SLC45A2: variants seen among roughly 807,000 people sequenced by gnomAD.
SLC45A2 encodes the protein solute carrier family 45 member 2.
In SLC45A2, 36 loss-of-function variants were observed where a neutral mutation model predicts 45.5. The ratio of observed to expected loss-of-function variants is 0.79; its 90% CI spans 0.61 to 1.04. The LOEUF is 1.04. Ranked by LOEUF, SLC45A2 falls within the 50% of genes least tolerant of loss-of-function variation. SLC45A2 has a pLI of 0.00. For missense variants in SLC45A2, 719 were observed against 671.0 expected (o/e 1.07, Z -0.79); for synonymous variants, 306 against 269.3 (o/e 1.14, Z -1.33).
intron 2 of SLC45A2, among the ~76,000 whole-genome samples, chr5:33,979,819 A>C (rs917154324): frequency 6.6e-6 from 1 of 152,186 alleles, no homozygotes; most frequent in East Asian, 1.9e-4. Flanking sequence ...CTTTAGGATG[A>C]CCTTGGCCGA....
chr5:33,964,150 T>A, intron 2 of SLC45A2, 134 bp from the exon 3 acceptor site: 1 of 892,284 alleles, frequency 1.1e-6, no homozygotes, highest in Non-Finnish European at 1.8e-6. Context: ...GGAAAAGCAA[T>A]ACAGCAAGAG....
At position 33,982,338 on chromosome 5, in the gene SLC45A2, A is replaced by G. The variant is rs1038905966; in HGVS notation, c.460T>C (p.Phe154Leu). 7 of 1,614,156 alleles carry G rather than the reference A, an allele frequency of 4.3e-6. No individual in the cohort carries two copies. Among genetic ancestry groups the G allele is most frequent in the Non-Finnish European group, 5.9e-6 (7 of 1,180,040 alleles). ...GGCCCATCAATGAAGTCGGCAGCAA[A>G]ATCAAAGAGAACGACACCTATCATG... Reference protein sequence around the residue: ...VTMIGVVLFDFAADFIDGPIK... With the variant: ...VTMIGVVLFDLAADFIDGPIK... The change falls in exon 2 of 7, where the codon TTT becomes CTT. Residue 154 changes from phenylalanine to leucine, a missense_variant. By Grantham distance (22) the Phe-to-Leu change is conservative (BLOSUM62 0). Coordinates refer to ENST00000296589, the MANE Select transcript of SLC45A2 (RefSeq NM_016180.5).
chr5:33,952,940 G>A (rs1345837758), intron 4 of SLC45A2, among the ~76,000 whole-genome samples: 32 of 100,290 alleles, frequency 3.2e-4, no homozygotes, highest in South Asian at 1.1e-3. Context: ...GAGAATATGC[G>A]GTGTTTGGTT....
At chr5:33,958,166 G>C (rs1352947249) in intron 3 of SLC45A2, among the ~76,000 whole-genome samples, 1 of 152,156 alleles carries the variant, frequency 6.6e-6, no homozygotes, top group African/African-American at 2.4e-5. Context: ...CCCTCAAAAG[G>C]AGACTATTTA....
intron 1 of SLC45A2, among the ~76,000 whole-genome samples, chr5:33,982,984 C>T (rs975532519): frequency 6.6e-6 from 1 of 152,208 alleles, no homozygotes; most frequent in East Asian, 1.9e-4. Context: ...TTCTCAAAGT[C>T]TGGCATATTG....
At chr5:33,952,376 T>G (rs542126771) in intron 4 of SLC45A2, among the ~76,000 whole-genome samples, 32 of 150,778 alleles carry the variant, frequency 2.1e-4, no homozygotes, top group Non-Finnish European at 4.1e-4. Flanking sequence ...TTTTTTTTTG[T>G]AGTTTCAGCA....
In SLC45A2 at chr5:33,951,624, G is replaced by C; in HGVS notation, c.1086C>G (p.Ile362Met). The stretch of plus-strand genomic sequence containing the variant: ...ATCCAACCTCGACTCCTCTTTCGTA[G>C]ATGAGAAACTCTGTGGAGTTGTGTG... ...YSAHNSTEFL[I>M]YERGVEVGCW... Residue 362 changes from isoleucine to methionine, a missense_variant, in exon 5 of 7, where the codon ATC (isoleucine) becomes ATG (methionine). By Grantham distance (10) the Ile-to-Met change is conservative. Coordinates refer to ENST00000296589, the MANE Select transcript of SLC45A2 (RefSeq NM_016180.5). 1 of 1,614,196 alleles carries C rather than the reference G, an allele frequency of 6.2e-7. No individual in the cohort carries two copies. The highest frequency in any genetic ancestry group is 8.5e-7 in the Non-Finnish European group (1 of 1,180,016).
At chr5:33,963,439 G>A (rs2111960209) in intron 3 of SLC45A2, among the ~76,000 whole-genome samples, 1 of 132,436 alleles carries the variant, frequency 7.6e-6, no homozygotes, top group Non-Finnish European at 1.6e-5. Context: ...TTCTCAACTG[G>A]CTTCATCTTC....
intron 2 of SLC45A2, 78 bp from the exon 3 acceptor site, chr5:33,964,094 A>G (rs1179528233): frequency 6.8e-7 from 1 of 1,475,642 alleles, no homozygotes; most frequent in African/African-American, 1.4e-5. Flanking sequence ...ACTCCCCTTC[A>G]GTGGGAAAAC....
At chr5:33,955,555 T>A (rs547239555) in intron 3 of SLC45A2, among the ~76,000 whole-genome samples, 2 of 152,166 alleles carry the variant, frequency 1.3e-5, no homozygotes, top group Non-Finnish European at 2.9e-5. Context: ...GTTATATCTC[T>A]GAATCCTAAT....
intron 3 of SLC45A2, among the ~76,000 whole-genome samples, chr5:33,961,594 T>C (rs1337254024): frequency 1.3e-5 from 2 of 152,144 alleles, no homozygotes; most frequent in East Asian, 3.9e-4. Context: ...ATAACGCTTT[T>C]CTCCATTTAT....
At chr5:33,967,675 T>C (rs554145668) in intron 2 of SLC45A2, among the ~76,000 whole-genome samples, 2 of 152,276 alleles carry the variant, frequency 1.3e-5, no homozygotes, top group Admixed American at 1.3e-4. Context: ...TGTTGCCTGG[T>C]AGGGAAATTA....
intron 2 of SLC45A2, among the ~76,000 whole-genome samples, chr5:33,980,887 C>A (rs1434094529): frequency 6.6e-6 from 1 of 152,110 alleles, no homozygotes; most frequent in African/African-American, 2.4e-5. Context: ...GATGAGAAAT[C>A]TGAGTGGAAT....
At chr5:33,982,696 G>A (rs546072901) in intron 1 of SLC45A2, among the ~76,000 whole-genome samples, 3 of 152,212 alleles carry the variant, frequency 2.0e-5, no homozygotes, top group East Asian at 3.9e-4. Flanking sequence ...TTTATTTTGG[G>A]GGTGATGAAA....
chr5:33,971,972 G>C (rs988859451), intron 2 of SLC45A2: 1 of 445,344 alleles, frequency 2.2e-6, no homozygotes, highest in Admixed American at 2.5e-5. Flanking sequence ...GTTTCACCAT[G>C]GTGCCCAGGT....
At chr5:33,970,292 G>T (rs1432519332) in intron 2 of SLC45A2, among the ~76,000 whole-genome samples, 1 of 152,172 alleles carries the variant, frequency 6.6e-6, no homozygotes, top group African/African-American at 2.4e-5. Context: ...AAAACCCATG[G>T]TACCACCCTT....
At chr5:33,969,713 C>T (rs1025767903) in intron 2 of SLC45A2, among the ~76,000 whole-genome samples, 12 of 152,220 alleles carry the variant, frequency 7.9e-5, no homozygotes, top group African/African-American at 2.4e-4. Context: ...ATCCCTTAGG[C>T]GGCGATGGTC....
At chr5:33,947,103 C>T in intron 6 of SLC45A2, 60 bp downstream of exon 6, 1 of 1,614,114 alleles carries the variant, frequency 6.2e-7, no homozygotes, top group Non-Finnish European at 8.5e-7. Context: ...CTACCAAATC[C>T]TCCCCAGCCT....
At chr5:33,944,905 T>C in intron 6 of SLC45A2, 33 bp from the exon 7 acceptor site, 1 of 1,584,520 alleles carries the variant, frequency 6.3e-7, no homozygotes. Context: ...CCATTTGACC[T>C]ACAAGGAACT....
Sources: allele counts gnomAD v4.1 joint callset (sites outside exome capture counted in the v4.1 genomes callset), GRCh38; gene constraint gnomAD v4.1.1; transcripts MANE v1.5; gene names NCBI Gene and HGNC (gene_info 2026-07-23, HGNC 2026-07-21).